The following DMD variants were observed in gnomAD, a reference collection of about 807,000 sequenced individuals.
DMD encodes mutant dystrophin.
Under a neutral mutation model 330.1 loss-of-function variants are expected in DMD, and 63 were observed. The observed-to-expected ratio is 0.19, with a 90% CI of 0.16 to 0.24. DMD has a LOEUF of 0.24. Among genes scored for constraint, DMD ranks in the 10% least tolerant of loss-of-function variants. The pLI, the probability that DMD is intolerant of heterozygous loss-of-function variation, is 1.00. For missense variants in DMD, 3,344 were observed against 2,684.1 expected (o/e 1.25, Z -5.43); for synonymous variants, 1,223 against 959.8 (o/e 1.27, Z -5.07).
At chrX:31,815,742 A>G (rs1393572820) in intron 50 of DMD, among the ~76,000 whole-genome samples, 1 of 111,462 alleles carries the variant, frequency 9.0e-6, no homozygotes, top group East Asian at 2.8e-4. Context: ...AGATGAAGTA[A>G]TTTCCTCATC....
At chrX:31,328,780 A>G (rs1414481444) in intron 61 of DMD, among the ~76,000 whole-genome samples, 1 of 112,330 alleles carries the variant, frequency 8.9e-6, no homozygotes, top group African/African-American at 3.2e-5. Context: ...CACCACACAA[A>G]TAATGTTTGT....
intron 13 of DMD, among the ~76,000 whole-genome samples, chrX:32,579,020 T>C (rs771198191): frequency 9.0e-6 from 1 of 111,223 alleles, no homozygotes; most frequent in South Asian, 3.8e-4. Flanking sequence ...CTCTTACTGA[T>C]GTTGAAATGG....
chrX:32,976,222 A>AAG (rs1175200442), intron 2 of DMD, among the ~76,000 whole-genome samples: 3 of 108,991 alleles, frequency 2.8e-5, no homozygotes, highest in Non-Finnish European at 5.7e-5. Flanking sequence ...CTCGTCTCAA[A>AAG]AAAAAAAAAA....
chrX:32,465,571 GTTTGTTT>G (rs1201867461), intron 23 of DMD, among the ~76,000 whole-genome samples: 10 of 51,375 alleles, frequency 1.9e-4, no homozygotes, highest in Non-Finnish European at 3.2e-4. Context: ...TTTTTTTTTT[GTTTGTTT>G]TTTGTTTTTT....
At chrX:32,126,028 T>C (rs1170993656) in intron 44 of DMD, among the ~76,000 whole-genome samples, 1 of 111,975 alleles carries the variant, frequency 8.9e-6, no homozygotes, top group Non-Finnish European at 1.9e-5. Flanking sequence ...CTGCTCTATT[T>C]TGTGTAATCC....
At chrX:32,210,021 C>T (rs1233951348) in intron 44 of DMD, among the ~76,000 whole-genome samples, 1 of 111,254 alleles carries the variant, frequency 9.0e-6, no homozygotes, top group Non-Finnish European at 1.9e-5. Flanking sequence ...GGATAGGGGC[C>T]AAAAAGTTGC....
chrX:31,650,352 C>G (rs906548796), intron 54 of DMD, among the ~76,000 whole-genome samples: 2 of 110,935 alleles, frequency 1.8e-5, no homozygotes, highest in African/African-American at 6.6e-5. Flanking sequence ...CGCTAGCATT[C>G]TATCATATTT....
At chrX:32,419,340 C>T (rs942335210) in intron 29 of DMD, among the ~76,000 whole-genome samples, 3 of 111,803 alleles carry the variant, frequency 2.7e-5, no homozygotes, top group Non-Finnish European at 3.8e-5. Flanking sequence ...TTAGTTCATC[C>T]TATTTTTTCC....
intron 53 of DMD, among the ~76,000 whole-genome samples, chrX:31,670,997 C>G (rs1014434361): frequency 1.8e-5 from 2 of 110,281 alleles, no homozygotes; most frequent in Admixed American, 9.6e-5. Context: ...ACTGCAAACT[C>G]TGCCTCCAGG....
intron 1 of DMD, among the ~76,000 whole-genome samples, chrX:33,030,060 C>T (rs190415835): frequency 3.2e-4 from 36 of 111,216 alleles, no homozygotes; most frequent in African/African-American, 1.1e-3. Flanking sequence ...GTCTCATTGC[C>T]TCTATTTGTT....
chrX:31,436,526 G>A (rs2064543874), intron 60 of DMD, among the ~76,000 whole-genome samples: 1 of 110,722 alleles, frequency 9.0e-6, no homozygotes, highest in Admixed American at 9.7e-5. Flanking sequence ...CCTAGGGTGA[G>A]AAAGACAGAC....
At chrX:32,156,997 AG>A (rs1275754065) in intron 44 of DMD, among the ~76,000 whole-genome samples, 1 of 112,174 alleles carries the variant, frequency 8.9e-6, no homozygotes, top group Non-Finnish European at 1.9e-5. Flanking sequence ...GGGACAGCTG[AG>A]GAACACACCT....
At chrX:31,256,593 C>T (rs1471274502) in intron 63 of DMD, among the ~76,000 whole-genome samples, 1 of 111,667 alleles carries the variant, frequency 9.0e-6, no homozygotes, top group Non-Finnish European at 1.9e-5. Context: ...TCTATTTTCT[C>T]TACCACTAAA....
rs112454163 is a variant in DMD at position 32,882,092 on chromosome X, C to T, written c.94-32272G>A. On this transcript the variant is annotated intron_variant, in intron 2 of 78. Coordinates refer to ENST00000357033, the MANE Select transcript of DMD (RefSeq NM_004006.3). Reference sequence around the variant, plus strand: ...CAAAAGCTTAGAGAATCAGCTTCATCGCCCCTGCTGCAGAAATACCAGCAC... The same window carrying T: ...CAAAAGCTTAGAGAATCAGCTTCATTGCCCCTGCTGCAGAAATACCAGCAC... 4.3e-3 allele frequency among the ~76,000 whole-genome samples: 481 copies of T among 111,890 alleles called. 8 individuals are homozygous for T. The East Asian group carries it at 0.064, about 15-fold the overall frequency.
At position 31,244,372 on chromosome X, in the gene DMD, G is replaced by A. The variant is rs191086627; in HGVS notation, c.9286+16583C>T. 2.4e-3 allele frequency among the ~76,000 whole-genome samples: 270 copies of A among 111,882 alleles called. 2 individuals are homozygous for A. Among genetic ancestry groups the A allele is most frequent in the African/African-American group, 8.3e-3 (256 of 30,875 alleles). Reference sequence around the variant, plus strand: ...CTTATCAACTTTCTGATAACTGACTGTCTGTTTTTGACCACACTGACTTTA... The same window carrying A: ...CTTATCAACTTTCTGATAACTGACTATCTGTTTTTGACCACACTGACTTTA... On this transcript the variant is annotated intron_variant, in intron 63 of 78. Coordinates refer to ENST00000357033, the MANE Select transcript of DMD (RefSeq NM_004006.3).
chrX:31,611,269 T>C (rs1340106053), intron 55 of DMD, among the ~76,000 whole-genome samples: 1 of 110,202 alleles, frequency 9.1e-6, no homozygotes, highest in East Asian at 2.9e-4. Context: ...AAAGATGGTG[T>C]CCGTGGTATG....
intron 59 of DMD, among the ~76,000 whole-genome samples, chrX:31,451,280 CTTT>C (rs58331900): frequency 1.3e-4 from 7 of 53,093 alleles, no homozygotes; most frequent in East Asian, 5.4e-4. Context: ...CCTTTCTTTC[CTTT>C]TTTTTTTTTT....
chrX:31,524,114 G>A (rs2073070128), intron 55 of DMD, among the ~76,000 whole-genome samples: 1 of 112,070 alleles, frequency 8.9e-6, no homozygotes, highest in Admixed American at 9.5e-5. Context: ...TTCAAATGAT[G>A]GCTCTGAGGT....
At chrX:32,330,886 T>C (rs1159534382) in intron 41 of DMD, among the ~76,000 whole-genome samples, 1 of 111,540 alleles carries the variant, frequency 9.0e-6, no homozygotes, top group East Asian at 2.8e-4. Flanking sequence ...ATTGGGAGGT[T>C]CCCATTAAAA....
Sources: gnomAD v4.1 joint callset for allele counts (sites outside exome capture counted in the v4.1 genomes callset) on GRCh38, gnomAD v4.1.1 for gene constraint, MANE v1.5 for transcripts, NCBI Gene and HGNC (gene_info 2026-07-23, HGNC 2026-07-21) for gene names.